The following CLSTN2 variants were observed in gnomAD, a reference collection of about 807,000 sequenced individuals.
CLSTN2 encodes the protein calsyntenin 2, also known as calsyntenin-2.
In CLSTN2, 48 loss-of-function variants were observed where a neutral mutation model predicts 101.2. The observed-to-expected ratio is 0.47, with a 90% CI of 0.38 to 0.60. CLSTN2 has a LOEUF of 0.60. CLSTN2 is among the 20% of genes least tolerant of loss of function. The pLI is 0.00. For missense variants in CLSTN2, 1,160 were observed against 1,238.2 expected (o/e 0.94, Z 0.95); for synonymous variants, 481 against 463.6 (o/e 1.04, Z -0.48).
rs55678973 is a variant in CLSTN2, at chr3:140,051,014, G to A, written c.109+115531G>A. ...AAAAGAACACACAAAGGGCACATTT[G>A]GGGGCTGTCCTGGATTGAACACAGC... On this transcript the variant is annotated intron_variant, in intron 1 of 16. Transcript: ENST00000458420. Among the ~76,000 whole-genome samples the A allele has an allele frequency of 2.4e-3, 368 of 152,284 alleles. 3 individuals are homozygous for A. The highest frequency in any genetic ancestry group is 8.6e-3 in the African/African-American group (357 of 41,562).
intron 5 of CLSTN2, among the ~76,000 whole-genome samples, chr3:140,422,153 G>T (rs866833733): frequency 6.0e-5 from 9 of 151,100 alleles, no homozygotes; most frequent in African/African-American, 7.3e-5. Flanking sequence ...TTAAGCTTCT[G>T]CCTCCCTCTT....
chr3:140,228,680 G>T (rs2086344927), intron 2 of CLSTN2, among the ~76,000 whole-genome samples: 1 of 152,180 alleles, frequency 6.6e-6, no homozygotes, highest in African/African-American at 2.4e-5. Context: ...TCAACTTACA[G>T]TTCCACGTGG....
At chr3:140,114,500 G>T (rs2009208255) in intron 1 of CLSTN2, among the ~76,000 whole-genome samples, 1 of 152,104 alleles carries the variant, frequency 6.6e-6, no homozygotes, top group Non-Finnish European at 1.5e-5. Flanking sequence ...GAATCACCTA[G>T]CCCAAGCTTC....
At chr3:140,068,893 G>A (rs987394754) in intron 1 of CLSTN2, among the ~76,000 whole-genome samples, 9 of 152,168 alleles carry the variant, frequency 5.9e-5, no homozygotes, top group Admixed American at 2.6e-4. Context: ...CATACTGTCT[G>A]GTTCAGATTT....
chr3:140,563,490 A>G (rs1935963985), intron 15 of CLSTN2, among the ~76,000 whole-genome samples: 1 of 152,146 alleles, frequency 6.6e-6, no homozygotes, highest in African/African-American at 2.4e-5. Context: ...GAAGCTTTCC[A>G]TGAGCCCTCT....
intron 4 of CLSTN2, among the ~76,000 whole-genome samples, chr3:140,409,135 T>C (rs2088336186): frequency 6.6e-6 from 1 of 152,262 alleles, no homozygotes. Flanking sequence ...TCCTTACAAT[T>C]GCACATATGT....
intron 1 of CLSTN2, among the ~76,000 whole-genome samples, chr3:140,110,839 T>A (rs2009143544): frequency 6.6e-6 from 1 of 152,164 alleles, no homozygotes. Flanking sequence ...TTGGCTTCTC[T>A]TCTTTCTTTC....
Position 140,448,543 on chromosome 3 carries a change from A to T in CLSTN2, c.812A>T (p.Gln271Leu). The change falls in exon 6 of 17, where the codon CAG (glutamine) becomes CTG (leucine). Residue 271 changes from glutamine (Q) to leucine (L), a missense_variant. Physicochemically the swap from Gln to Leu is moderately radical, Grantham distance 113. Transcript: ENST00000458420. Reference sequence around the variant, plus strand: ...GACTGGACCAAGAGGATTGAGTACCAGCCTGGCTCCGGGAGCATGCCCCTG... The same window carrying T: ...GACTGGACCAAGAGGATTGAGTACCTGCCTGGCTCCGGGAGCATGCCCCTG... The part of the protein sequence containing the change: ...WQDWTKRIEY[Q>L]PGSGSMPLFP... 1 of 1,614,066 alleles carries T rather than the reference A, an allele frequency of 6.2e-7. No individual in the cohort carries two copies. Among genetic ancestry groups the T allele is most frequent in the East Asian group, 2.2e-5 (1 of 44,870 alleles).
At chr3:140,029,725 T>A (rs1040985316) in intron 1 of CLSTN2, among the ~76,000 whole-genome samples, 7 of 152,138 alleles carry the variant, frequency 4.6e-5, no homozygotes, top group African/African-American at 1.7e-4. Context: ...TTAAATTAAA[T>A]TTTTCCCAAT....
intron 1 of CLSTN2, among the ~76,000 whole-genome samples, chr3:140,078,386 G>A (rs942640910): frequency 6.6e-6 from 1 of 152,136 alleles, no homozygotes; most frequent in African/African-American, 2.4e-5. Context: ...GCAGAACTGA[G>A]CTCTATTTTT....
At chr3:140,479,004 T>C (rs1934056081) in intron 8 of CLSTN2, among the ~76,000 whole-genome samples, 1 of 152,002 alleles carries the variant, frequency 6.6e-6, no homozygotes, top group African/African-American at 2.4e-5. Flanking sequence ...AGAATGGAGA[T>C]GCAGGAAAGG....
chr3:139,971,542 TGGCC>T (rs1258866126), intron 1 of CLSTN2, among the ~76,000 whole-genome samples: 2 of 152,200 alleles, frequency 1.3e-5, no homozygotes, highest in African/African-American at 4.8e-5. Flanking sequence ...GGAGGAGGTA[TGGCC>T]TGAGACAGGC....
chr3:140,241,876 T>TACACACACACACACACACAC (rs747382201), intron 2 of CLSTN2, among the ~76,000 whole-genome samples: 1 of 140,092 alleles, frequency 7.1e-6, no homozygotes, highest in African/African-American at 2.8e-5. Context: ...TACACATATA[T>TACACACACACACACACACAC]ATATACACAC....
intron 2 of CLSTN2, among the ~76,000 whole-genome samples, chr3:140,235,600 TTCTGGCTTACCTTACCACTATTC>T (rs963287935): frequency 6.6e-6 from 1 of 152,216 alleles, no homozygotes; most frequent in African/African-American, 2.4e-5. Flanking sequence ...TCTGGTCTTC[TTCTGGCTTACCTTACCACTATTC>T]TCTGGTGAGA....
intron 2 of CLSTN2, among the ~76,000 whole-genome samples, chr3:140,391,598 G>T (rs183949465): frequency 6.6e-6 from 1 of 151,904 alleles, no homozygotes; most frequent in Non-Finnish European, 1.5e-5. Flanking sequence ...GATTTGATAT[G>T]CGATATATAA....
At chr3:140,159,286 G>C (rs953174618) in intron 1 of CLSTN2, among the ~76,000 whole-genome samples, 26 of 152,106 alleles carry the variant, frequency 1.7e-4, no homozygotes, top group African/African-American at 5.8e-4. Flanking sequence ...TCCAACAAAG[G>C]CCTAATATCC....
chr3:140,103,620 T>C (rs2009004354), intron 1 of CLSTN2, among the ~76,000 whole-genome samples: 1 of 152,178 alleles, frequency 6.6e-6, no homozygotes, highest in South Asian at 2.1e-4. Flanking sequence ...TCTCAATATA[T>C]CAGATTAAGT....
intron 1 of CLSTN2, among the ~76,000 whole-genome samples, chr3:140,165,402 A>G (rs140083234): frequency 1.3e-5 from 2 of 152,354 alleles, no homozygotes; most frequent in Non-Finnish European, 2.9e-5. Flanking sequence ...TAGGAACTGT[A>G]GACATCGTCA....
chr3:140,513,629 T>C (rs1436680452), intron 8 of CLSTN2, among the ~76,000 whole-genome samples: 2 of 147,364 alleles, frequency 1.4e-5, no homozygotes, highest in South Asian at 2.2e-4. Context: ...GATTTTGATA[T>C]CAGGATGAAG....
Sources: gnomAD v4.1 joint callset for allele counts (sites outside exome capture counted in the v4.1 genomes callset) on GRCh38, gnomAD v4.1.1 for gene constraint, MANE v1.5 for transcripts, NCBI Gene and HGNC (gene_info 2026-07-23, HGNC 2026-07-21) for gene names.